Variants in TOM1L2 observed in about 807,000 individuals in gnomAD.
The protein encoded by TOM1L2 is target of myb1 like 2 membrane trafficking protein.
In TOM1L2, 31 loss-of-function variants were observed where a neutral mutation model predicts 67.9. The ratio of observed to expected loss-of-function variants is 0.46; its 90% CI spans 0.34 to 0.62. The LOEUF is 0.62. TOM1L2 is among the 20% of genes least tolerant of loss of function. TOM1L2 has a pLI of 0.01. For missense variants in TOM1L2, 606 were observed against 663.5 expected (o/e 0.91, Z 0.95); for synonymous variants, 256 against 254.0 (o/e 1.01, Z -0.07).
rs570798982 is a variant in TOM1L2, at chr17:17,965,694, C to G, written c.52+6568G>C. On this transcript the variant is annotated intron_variant, in intron 1 of 14. Transcript: ENST00000379504. Reference sequence around the variant, plus strand: ...CATACTTTCTCATTGTCTTAATGTCCCCATCTGAAAATGGAGATAATCACA... The same window carrying G: ...CATACTTTCTCATTGTCTTAATGTCGCCATCTGAAAATGGAGATAATCACA... Among the ~76,000 whole-genome samples, 14 of 152,268 alleles carry G rather than the reference C, an allele frequency of 9.2e-5. No individual in the cohort carries two copies. In the South Asian group the frequency reaches 1.5e-3, roughly 16 times the overall value.
At chr17:17,908,794 T>G (rs538977749) in intron 1 of TOM1L2, among the ~76,000 whole-genome samples, 1 of 152,306 alleles carries the variant, frequency 6.6e-6, no homozygotes, top group Non-Finnish European at 1.5e-5. Context: ...ATAACAAGTG[T>G]TGGCAAGGAT....
intron 1 of TOM1L2, among the ~76,000 whole-genome samples, chr17:17,938,001 T>C (rs1253714116): frequency 6.6e-6 from 1 of 152,168 alleles, no homozygotes; most frequent in Non-Finnish European, 1.5e-5. Flanking sequence ...ACACAAAGGC[T>C]TGACTGGGAT....
intron 12 of TOM1L2, chr17:17,857,643 GA>G: frequency 1.3e-6 from 1 of 772,800 alleles, no homozygotes; most frequent in South Asian, 2.0e-5. Context: ...CTGCCAGAAA[GA>G]AAGCGTGTGG....
At chr17:17,907,229 G>C (rs1380063674) in intron 2 of TOM1L2, among the ~76,000 whole-genome samples, 3 of 152,246 alleles carry the variant, frequency 2.0e-5, no homozygotes, top group Non-Finnish European at 4.4e-5. Flanking sequence ...GATTAAAGGA[G>C]GTCATCCCTG....
rs1468248376 is a variant in TOM1L2, at chr17:17,846,326, T to C, written c.*1309A>G. 6.6e-6 allele frequency: 1 copy of C among 152,490 alleles called. No homozygotes were observed. Among genetic ancestry groups the C allele is most frequent in the Non-Finnish European group, 1.5e-5 (1 of 68,216 alleles). 9.4% of individuals were successfully genotyped at this position (152,490 alleles called of 1,614,324 possible). A position where few individuals can be genotyped will look rare whatever the true frequency, so the allele number is the denominator to read the frequency against. ...CACACGGGGATGCATACAGCTGCAG[T>C]ATTCTCCTTCTGAGCAACAGCAGCC... On this transcript the variant is annotated 3_prime_UTR_variant, in exon 15 of 15. Transcript: ENST00000379504.
intron 2 of TOM1L2, among the ~76,000 whole-genome samples, chr17:17,904,645 A>T (rs1029102352): frequency 6.6e-5 from 10 of 152,130 alleles, no homozygotes; most frequent in African/African-American, 2.4e-4. Flanking sequence ...AAGGGGTCGA[A>T]GCAGAGGTCC....
chr17:17,895,235 G>A (rs528090364), intron 3 of TOM1L2, among the ~76,000 whole-genome samples: 5 of 152,216 alleles, frequency 3.3e-5, no homozygotes, highest in Non-Finnish European at 5.9e-5. Context: ...CATGCCAACA[G>A]CCCCCAGTGC....
At chr17:17,945,871 A>C (rs2040927764) in intron 1 of TOM1L2, among the ~76,000 whole-genome samples, 2 of 152,114 alleles carry the variant, frequency 1.3e-5, no homozygotes, top group African/African-American at 4.8e-5. Context: ...TTATTTTTTA[A>C]AAAAGATGTC....
intron 8 of TOM1L2, among the ~76,000 whole-genome samples, chr17:17,867,775 C>A (rs1158573128): frequency 6.6e-6 from 1 of 152,166 alleles, no homozygotes; most frequent in East Asian, 1.9e-4. Flanking sequence ...AGAAAGAGAT[C>A]CCCAGGAGGA....
chr17:17,884,909 T>C lies in TOM1L2; in HGVS notation c.367-141A>G. Reference sequence around the variant, plus strand: ...AATTGCACTGGCTAAACCTATTCTGTTCCTCTCCTTCCGCAACTGCTGCCA... The same window carrying C: ...AATTGCACTGGCTAAACCTATTCTGCTCCTCTCCTTCCGCAACTGCTGCCA... On this transcript the variant is annotated intron_variant, in intron 4 of 14. Coordinates refer to ENST00000379504, the MANE Select transcript of TOM1L2 (RefSeq NM_001082968.2). The C allele has an allele frequency of 6.4e-6, 7 of 1,091,866 alleles. No individual in the cohort carries two copies. In the East Asian group the frequency reaches 1.2e-4, roughly 19 times the overall value. The allele number at this position is 1,091,866 out of a possible 1,614,324, so 67.6% of individuals were successfully genotyped here. A position where few individuals can be genotyped will look rare whatever the true frequency, so the allele number is the denominator to read the frequency against.
intron 1 of TOM1L2, among the ~76,000 whole-genome samples, chr17:17,957,809 A>C (rs2041521992): frequency 6.6e-6 from 1 of 152,118 alleles, no homozygotes; most frequent in Non-Finnish European, 1.5e-5. Flanking sequence ...TGTAAGTCTT[A>C]AGAAAAACTA....
intron 2 of TOM1L2, among the ~76,000 whole-genome samples, chr17:17,905,736 C>T (rs1490965797): frequency 1.3e-5 from 2 of 152,092 alleles, no homozygotes. Context: ...CCTTGGCCTG[C>T]CCCCAGTCAG....
intron 1 of TOM1L2, among the ~76,000 whole-genome samples, chr17:17,944,440 G>A (rs1002145102): frequency 2.0e-5 from 3 of 152,206 alleles, no homozygotes; most frequent in African/African-American, 4.8e-5. Context: ...AAATGACACC[G>A]ACAGCTTGAC....
At chr17:17,971,375 T>C (rs2042073232) in intron 1 of TOM1L2, among the ~76,000 whole-genome samples, 1 of 152,088 alleles carries the variant, frequency 6.6e-6, no homozygotes, top group South Asian at 2.1e-4. Context: ...TGATTCCCAG[T>C]CCAGGGCTCT....
chr17:17,851,017 C>T (rs765596067), intron 12 of TOM1L2, 65 bp from the exon 13 acceptor site: 2 of 1,569,600 alleles, frequency 1.3e-6, no homozygotes, highest in East Asian at 2.2e-5. Context: ...GACAGAACAC[C>T]GGAACAAAGG....
rs1042733120 is a variant in TOM1L2, at chr17:17,899,048, A to T, written c.138-374T>A. Among the ~76,000 whole-genome samples the T allele has an allele frequency of 2.0e-5, 3 of 152,356 alleles. No homozygotes were observed. In the South Asian group the frequency reaches 6.2e-4, roughly 32 times the overall value. On this transcript the variant is annotated intron_variant, in intron 2 of 14. Transcript: ENST00000379504. ...GGGAAGAGACTCTCTAGAAAGAGCT[A>T]TAACAACCTGGTAACTGTGGCTGCC... is the stretch of plus-strand genomic sequence containing the variant.
At chr17:17,936,489 A>G (rs577688367) in intron 1 of TOM1L2, among the ~76,000 whole-genome samples, 85 of 152,328 alleles carry the variant, frequency 5.6e-4, no homozygotes, top group Middle Eastern at 6.8e-3. Context: ...ATTTAAAGGA[A>G]TTTATTATAT....
intron 10 of TOM1L2, chr17:17,863,277 G>C (rs2036661459): frequency 6.0e-6 from 1 of 167,084 alleles, no homozygotes; most frequent in Admixed American, 6.1e-5. Context: ...AGACCAAATT[G>C]AATCTGATAT....
intron 7 of TOM1L2, among the ~76,000 whole-genome samples, chr17:17,877,844 T>C (rs1568138685): frequency 6.6e-6 from 1 of 151,636 alleles, no homozygotes. Context: ...GCCAGGAGAT[T>C]AGGTTCTGTT....
Sources: allele counts gnomAD v4.1 joint callset (sites outside exome capture counted in the v4.1 genomes callset), GRCh38; gene constraint gnomAD v4.1.1; transcripts MANE v1.5; gene names NCBI Gene and HGNC (gene_info 2026-07-23, HGNC 2026-07-21).